The following POLK variants were observed in gnomAD, a reference collection of about 807,000 sequenced individuals.
POLK encodes polymerase (DNA directed) kappa.
POLK carries 76 observed loss-of-function variants against 94.0 expected under a neutral mutation model. The observed-to-expected ratio is 0.81, with a 90% CI of 0.67 to 0.98. The LOEUF is 0.98. POLK is among the 50% of genes least tolerant of loss of function. POLK has a pLI of 0.00. For missense variants in POLK, 954 were observed against 1,010.1 expected, an observed-to-expected ratio of 0.94 and a Z score of 0.75; for synonymous variants, 349 against 325.4, an observed-to-expected ratio of 1.07 and a Z score of -0.78.
chr5:75,564,369 G>A (rs555661926), intron 3 of POLK, among the ~76,000 whole-genome samples: 1 of 152,134 alleles, frequency 6.6e-6, no homozygotes, highest in South Asian at 2.1e-4. Context: ...GATGGGTCTT[G>A]ACTCTTTATC....
chr5:75,569,274 G>T (rs1040342754), intron 3 of POLK, 66 bp from the exon 4 acceptor site: 2 of 1,046,938 alleles, frequency 1.9e-6, no homozygotes, highest in African/African-American at 3.2e-5. Flanking sequence ...TAAGATTAAT[G>T]TTGTGGTTAA....
chr5:75,531,231 C>T (rs1488651187), intron 1 of POLK, among the ~76,000 whole-genome samples: 2 of 151,168 alleles, frequency 1.3e-5, no homozygotes, highest in Admixed American at 6.6e-5. Context: ...CATTACTGTG[C>T]TTTAAATTCT....
Position 75,576,172 on chromosome 5 carries a change from G to A in POLK, c.541-608G>A, listed in dbSNP as rs5744651. On this transcript the variant is annotated intron_variant, in intron 5 of 14. Coordinates refer to ENST00000241436, the Ensembl canonical transcript of POLK. ...CCCCATCATTTAAGGTAATCATGGA[G>A]TACACTATAGATTGTCATTTTTTTC... Among the ~76,000 whole-genome samples the A allele has an allele frequency of 2.6e-3, 392 of 152,156 alleles. 13 individuals are homozygous for A. The East Asian group carries it at 0.069, about 27-fold the overall frequency.
At chr5:75,516,368 ACC>A (rs1433138429) in intron 1 of POLK, among the ~76,000 whole-genome samples, 8 of 152,016 alleles carry the variant, frequency 5.3e-5, no homozygotes, top group African/African-American at 1.9e-4. Context: ...GGATTGCTTG[ACC>A]CCAGGAGTTT....
intron 3 of POLK, among the ~76,000 whole-genome samples, chr5:75,564,217 C>T (rs1771141932): frequency 6.6e-6 from 1 of 151,798 alleles, no homozygotes; most frequent in African/African-American, 2.4e-5. Context: ...GGATTGCAAC[C>T]CCTGCTTTTT....
exon 15 of POLK, chr5:75,598,048 T>C (rs1337324542): frequency 1.2e-6 from 1 of 837,702 alleles, no homozygotes; most frequent in South Asian, 1.8e-5. Flanking sequence ...TAATTTTTAA[T>C]TGAAACTAGT....
At chr5:75,521,197 G>C (rs950450246) in intron 1 of POLK, among the ~76,000 whole-genome samples, 1 of 152,036 alleles carries the variant, frequency 6.6e-6, no homozygotes, top group Non-Finnish European at 1.5e-5. Flanking sequence ...TTCTACTCCT[G>C]CTCTTGCTCA....
chr5:75,511,072 G>C, upstream of POLK: 1 of 1,498,720 alleles, frequency 6.7e-7, no homozygotes, highest in South Asian at 1.4e-5. Context: ...CGCTGCAGGT[G>C]AGTCTGGCCA....
intron 1 of POLK, among the ~76,000 whole-genome samples, chr5:75,541,823 C>T (rs1396283435): frequency 6.6e-6 from 1 of 152,000 alleles, no homozygotes; most frequent in Non-Finnish European, 1.5e-5. Context: ...AAATTGTGGC[C>T]ATATGGTTTC....
chr5:75,590,269 A>G (rs1772710915), intron 10 of POLK, 75 bp from the exon 11 acceptor site: 1 of 675,810 alleles, frequency 1.5e-6, no homozygotes, highest in East Asian at 2.6e-5. Flanking sequence ...CTAGCCATAT[A>G]AACATGCATA....
At chr5:75,581,216 A>G in exon 7 of POLK, 1 of 1,597,698 alleles carries the variant, frequency 6.3e-7, no homozygotes, top group Non-Finnish European at 8.6e-7. Context: ...TAGATAATCC[A>G]GGAAAGGAAG....
At chr5:75,609,911 A>G in the POLK span, 4 of 152,238 alleles carry the variant, frequency 2.6e-5, no homozygotes, top group African/African-American at 9.6e-5. Flanking sequence ...ATGAACATTG[A>G]TATTACATAA....
At position 75,584,745 on chromosome 5, in the gene POLK, T is replaced by C. The variant is rs748980614; in HGVS notation, c.1060-15T>C. 2 of 1,385,464 alleles carry C rather than the reference T, an allele frequency of 1.4e-6. No individual in the cohort carries two copies. The highest frequency in any genetic ancestry group is 2.0e-6 in the Non-Finnish European group (2 of 1,009,190). The allele number at this position is 1,385,464 out of a possible 1,614,324, so 85.8% of individuals were successfully genotyped here. On this transcript the variant is annotated splice_polypyrimidine_tract_variant and intron_variant, in intron 8 of 14. Coordinates refer to ENST00000241436, the Ensembl canonical transcript of POLK. Reference sequence around the variant, plus strand: ...CTTTAAAATCTATTAATAATAAATATTGATTCTTTTCTAGGTTTCTGGAAT... The same window carrying C: ...CTTTAAAATCTATTAATAATAAATACTGATTCTTTTCTAGGTTTCTGGAAT...
Position 75,511,922 on chromosome 5 carries a change from T to A in POLK, c.-14+8T>A, listed in dbSNP as rs1256950157. 1.8e-5 allele frequency: 21 copies of A among 1,186,278 alleles called. No individual in the cohort carries two copies. The highest frequency in any genetic ancestry group is 2.5e-5 in the Non-Finnish European group (21 of 848,096). The allele number at this position is 1,186,278 out of a possible 1,614,324, so 73.5% of individuals were successfully genotyped here. A position where few individuals can be genotyped will look rare whatever the true frequency, so the allele number is the denominator to read the frequency against. On this transcript the variant is annotated splice_region_variant and intron_variant, in intron 1 of 14. Transcript: ENST00000241436. ...GCGATCCTGAGGTAACGGGTGAGTA[T>A]CCCGCGCGGGGATCGCTTGTCCCCT...
intron 5 of POLK, among the ~76,000 whole-genome samples, chr5:75,575,126 A>T (rs773761965): frequency 6.6e-6 from 1 of 152,236 alleles, no homozygotes; most frequent in African/African-American, 2.4e-5. Flanking sequence ...GAACAAATTC[A>T]TCACTGCCTA....
upstream of POLK, chr5:75,511,157 C>T (rs1286113743): frequency 5.0e-6 from 8 of 1,611,036 alleles, no homozygotes; most frequent in Non-Finnish European, 6.8e-6. Flanking sequence ...CAGACTCCGT[C>T]TCTGGATCCT....
intron 1 of POLK, among the ~76,000 whole-genome samples, chr5:75,532,043 C>T (rs1769207359): frequency 6.6e-6 from 1 of 152,162 alleles, no homozygotes; most frequent in Non-Finnish European, 1.5e-5. Context: ...AGAATAAGAA[C>T]ATCTAAGATG....
chr5:75,532,163 G>T (rs909952150), intron 1 of POLK, among the ~76,000 whole-genome samples: 11 of 152,080 alleles, frequency 7.2e-5, no homozygotes, highest in Non-Finnish European at 1.3e-4. Flanking sequence ...CATGCCATGG[G>T]GTATGGTGTA....
At chr5:75,584,300 A>G (rs575711126) in intron 8 of POLK, among the ~76,000 whole-genome samples, 10 of 152,274 alleles carry the variant, frequency 6.6e-5, no homozygotes, top group Admixed American at 6.5e-4. Context: ...GCCTTTTGAA[A>G]TTCCATGAAA....
Sources: allele counts gnomAD v4.1 joint callset (sites outside exome capture counted in the v4.1 genomes callset), GRCh38; gene constraint gnomAD v4.1.1; transcripts MANE v1.5; gene names NCBI Gene and HGNC (gene_info 2026-07-23, HGNC 2026-07-21).